The following RRAS2 variants were observed in gnomAD, a reference collection of about 807,000 sequenced individuals.
The protein encoded by RRAS2 is ras-related protein R-Ras2.
Under a neutral mutation model 27.6 loss-of-function variants are expected in RRAS2, and 7 were observed. That is an observed-to-expected ratio of 0.25 (90% CI 0.14 to 0.48). RRAS2 has a LOEUF of 0.48. RRAS2 is among the 20% of genes least tolerant of loss of function. The pLI is 0.99. For missense variants in RRAS2, 178 were observed against 256.2 expected, an observed-to-expected ratio of 0.69 and a Z score of 2.08; for synonymous variants, 86 against 90.9, an observed-to-expected ratio of 0.95 and a Z score of 0.31.
rs971434154 is a variant in RRAS2 at position 14,359,083 on chromosome 11, G to T, written c.-213C>A. Reference sequence around the variant, plus strand: ...CCGAGGCGCGGAGAAGCGGGGTGACGGCACGGGCCAGGGGCGGCAGCGGCC... The same window carrying T: ...CCGAGGCGCGGAGAAGCGGGGTGACTGCACGGGCCAGGGGCGGCAGCGGCC... On this transcript the variant is annotated 5_prime_UTR_variant, in exon 1 of 6. Transcript: ENST00000256196. 4 of 1,088,202 alleles carry T rather than the reference G, an allele frequency of 3.7e-6. No individual in the cohort carries two copies. Among genetic ancestry groups the T allele is most frequent in the East Asian group, 1.1e-4 (2 of 17,534 alleles). The allele number at this position is 1,088,202 out of a possible 1,614,324, so 67.4% of individuals were successfully genotyped here.
At chr11:14,326,733 A>G (rs553862489) in intron 1 of RRAS2, among the ~76,000 whole-genome samples, 32 of 152,238 alleles carry the variant, frequency 2.1e-4, no homozygotes, top group Non-Finnish European at 3.7e-4. Context: ...CACTTATAAC[A>G]TCAAAAAGAA....
At chr11:14,325,081 G>A (rs1187675738) in intron 1 of RRAS2, among the ~76,000 whole-genome samples, 2 of 152,068 alleles carry the variant, frequency 1.3e-5, no homozygotes, top group African/African-American at 4.8e-5. Context: ...AAAATATATA[G>A]TACCTCACCT....
intron 1 of RRAS2, among the ~76,000 whole-genome samples, chr11:14,325,581 G>C (rs900944743): frequency 6.6e-6 from 1 of 152,164 alleles, no homozygotes; most frequent in East Asian, 1.9e-4. Flanking sequence ...TTACAGGCGT[G>C]AGCCACCGTG....
chr11:14,285,114 T>G (rs1322464509), intron 4 of RRAS2, among the ~76,000 whole-genome samples: 1 of 152,256 alleles, frequency 6.6e-6, no homozygotes, highest in Non-Finnish European at 1.5e-5. Context: ...GTTGTTTTTA[T>G]GATTGCATTT....
chr11:14,323,649 A>G (rs946502087), intron 1 of RRAS2, among the ~76,000 whole-genome samples: 1 of 152,240 alleles, frequency 6.6e-6, no homozygotes, highest in South Asian at 2.1e-4. Context: ...CAGAGAATAG[A>G]AAAGGAGGAA....
intron 1 of RRAS2, among the ~76,000 whole-genome samples, chr11:14,296,196 A>T (rs1847546138): frequency 6.6e-6 from 1 of 151,850 alleles, no homozygotes; most frequent in Non-Finnish European, 1.5e-5. Context: ...AAAAATAAAT[A>T]AAATAAATAG....
rs1554943754 is a variant in RRAS2 at position 14,278,287 on chromosome 11, A to G, written c.*1050T>C. 1 of 152,222 alleles carries G rather than the reference A, an allele frequency of 6.6e-6. No homozygotes were observed. The highest frequency in any genetic ancestry group is 1.5e-5 in the Non-Finnish European group (1 of 68,028). 9.4% of individuals were successfully genotyped at this position (152,222 alleles called of 1,614,324 possible). A position where few individuals can be genotyped will look rare whatever the true frequency, so the allele number is the denominator to read the frequency against. ...CAAAGATGGGTACAACCAAGACCAGACCAGCAAGTAAAAGTTCTACCACAG... is the reference window on the plus strand; with the variant it reads ...CAAAGATGGGTACAACCAAGACCAGGCCAGCAAGTAAAAGTTCTACCACAG... On this transcript the variant is annotated 3_prime_UTR_variant, in exon 6 of 6. Coordinates refer to ENST00000256196, the MANE Select transcript of RRAS2 (RefSeq NM_012250.6).
At position 14,287,261 on chromosome 11, in the gene RRAS2, T is replaced by A. The variant is rs76572957; in HGVS notation, c.409-5541A>T. ...CTAGGAAGTTAAGACAGGTTTGTCT[T>A]TGTACATCCAAAGCTTAGAAGCATG... On this transcript the variant is annotated intron_variant, in intron 4 of 5. Coordinates refer to ENST00000256196, the MANE Select transcript of RRAS2 (RefSeq NM_012250.6). Among the ~76,000 whole-genome samples the A allele has an allele frequency of 8.2e-3, 1,253 of 152,306 alleles. 14 individuals carry two copies. Among genetic ancestry groups the A allele is most frequent in the African/African-American group, 0.029 (1,219 of 41,544 alleles).
chr11:14,333,906 A>G (rs1223249911), intron 1 of RRAS2, among the ~76,000 whole-genome samples: 1 of 152,216 alleles, frequency 6.6e-6, no homozygotes, highest in Non-Finnish European at 1.5e-5. Flanking sequence ...CTGGAATTAC[A>G]GGCGTCAGCC....
chr11:14,345,518 C>T (rs188333413), intron 1 of RRAS2, among the ~76,000 whole-genome samples: 2 of 152,288 alleles, frequency 1.3e-5, no homozygotes, highest in African/African-American at 4.8e-5. Flanking sequence ...GTGAACCAGA[C>T]ACAGATCGTT....
chr11:14,361,677 T>C (rs1410417342), upstream of RRAS2, among the ~76,000 whole-genome samples: 1 of 152,240 alleles, frequency 6.6e-6, no homozygotes, highest in Non-Finnish European at 1.5e-5. Flanking sequence ...TTTGGAAAAC[T>C]GTATGTGTCA....
intron 1 of RRAS2, among the ~76,000 whole-genome samples, chr11:14,323,670 C>T (rs886743586): frequency 1.2e-4 from 18 of 152,072 alleles, no homozygotes; most frequent in Middle Eastern, 3.4e-3. Context: ...ATACACCCCC[C>T]AAGTCATTTT....
chr11:14,327,838 G>C (rs919019778), intron 1 of RRAS2, among the ~76,000 whole-genome samples: 3 of 152,144 alleles, frequency 2.0e-5, no homozygotes, highest in Admixed American at 2.0e-4. Flanking sequence ...GGATGAAAAG[G>C]TTTTATTTAC....
intron 1 of RRAS2, among the ~76,000 whole-genome samples, chr11:14,344,950 T>C (rs2134027889): frequency 6.6e-6 from 1 of 151,358 alleles, no homozygotes; most frequent in East Asian, 1.9e-4. Context: ...AGCCTCTTTT[T>C]TCCACTATTT....
At chr11:14,353,104 T>C (rs1158468453) in intron 1 of RRAS2, among the ~76,000 whole-genome samples, 1 of 152,082 alleles carries the variant, frequency 6.6e-6, no homozygotes, top group African/African-American at 2.4e-5. Flanking sequence ...CAGCTAAAAT[T>C]TTTTTTAATA....
At chr11:14,342,781 G>C (rs1381367349) in intron 1 of RRAS2, among the ~76,000 whole-genome samples, 2 of 152,096 alleles carry the variant, frequency 1.3e-5, no homozygotes, top group Non-Finnish European at 2.9e-5. Flanking sequence ...AATGTATGGT[G>C]CCTTTTTCAA....
At chr11:14,338,122 T>TA (rs1363456706) in intron 1 of RRAS2, among the ~76,000 whole-genome samples, 1 of 152,232 alleles carries the variant, frequency 6.6e-6, no homozygotes, top group Admixed American at 6.5e-5. Flanking sequence ...AAGGTTTCCA[T>TA]ACTTTATTCA....
intron 1 of RRAS2, among the ~76,000 whole-genome samples, chr11:14,330,880 G>T (rs116909758): frequency 1.3e-5 from 2 of 152,138 alleles, no homozygotes; most frequent in Non-Finnish European, 2.9e-5. Context: ...AACAATAGGA[G>T]TAACTATAGT....
At chr11:14,304,928 A>C (rs1309543452) in intron 1 of RRAS2, among the ~76,000 whole-genome samples, 1 of 152,126 alleles carries the variant, frequency 6.6e-6, no homozygotes, top group Non-Finnish European at 1.5e-5. Flanking sequence ...ATATTCCTTC[A>C]CTGAAGTATA....
Sources: gnomAD v4.1 joint callset for allele counts (sites outside exome capture counted in the v4.1 genomes callset) on GRCh38, gnomAD v4.1.1 for gene constraint, MANE v1.5 for transcripts, NCBI Gene and HGNC (gene_info 2026-07-23, HGNC 2026-07-21) for gene names.